The following ZSCAN23 variants were observed in gnomAD, a reference collection of about 807,000 sequenced individuals.
ZSCAN23 encodes the protein zinc finger and SCAN domain containing 23.
In ZSCAN23, 19 loss-of-function variants were observed where a neutral mutation model predicts 19.3. The observed-to-expected ratio is 0.99, with a 90% confidence interval of 0.69 to 1.45. The LOEUF is 1.45. Among genes scored for constraint, ZSCAN23 ranks in the 40% most tolerant of loss-of-function variants. ZSCAN23 has a pLI of 0.00. For synonymous variants in ZSCAN23, 140 were observed against 166.2 expected (o/e 0.84, Z 1.21); for missense variants, 372 against 462.5 (o/e 0.80, Z 1.79).
the ZSCAN23 span, among the ~76,000 whole-genome samples, chr6:28,424,536 A>G: frequency 2.0e-5 from 3 of 152,334 alleles, no homozygotes; most frequent in Non-Finnish European, 4.4e-5. Context: ...GTTGGAGTCA[A>G]TCCTCTCAAA....
downstream of ZSCAN23, among the ~76,000 whole-genome samples, chr6:28,430,718 A>G (rs1400357156): frequency 1.3e-5 from 2 of 152,128 alleles, no homozygotes; most frequent in African/African-American, 2.4e-5. Flanking sequence ...ATGAAGATCT[A>G]TTGACACACT....
intron 1 of ZSCAN23, among the ~76,000 whole-genome samples, chr6:28,440,855 C>CT (rs1360587442): frequency 1.3e-5 from 2 of 152,068 alleles, no homozygotes; most frequent in Non-Finnish European, 2.9e-5. Context: ...CCTGATTTTG[C>CT]TTTTATCTGG....
At chr6:28,440,469 G>A (rs1761979812) in intron 1 of ZSCAN23, among the ~76,000 whole-genome samples, 1 of 152,166 alleles carries the variant, frequency 6.6e-6, no homozygotes, top group Non-Finnish European at 1.5e-5. Flanking sequence ...GATCATCATG[G>A]CTTGAAACAT....
chr6:28,441,807 T>C lies in ZSCAN23; in HGVS notation c.-78+1592A>G, dbSNP rs141680539. On this transcript the variant is annotated intron_variant, in intron 1 of 3. Transcript: ENST00000289788. ...ATAGAGTTGATATAAGCCCATATATTTTATTTACCTTAGACAAGCAGAAGG... is the reference window on the plus strand; with the variant it reads ...ATAGAGTTGATATAAGCCCATATATCTTATTTACCTTAGACAAGCAGAAGG... Among the ~76,000 whole-genome samples, 900 of 151,732 alleles carry C rather than the reference T, an allele frequency of 5.9e-3. 8 individuals carry two copies. The highest frequency in any genetic ancestry group is 0.02 in the African/African-American group (834 of 41,344).
intron 1 of ZSCAN23, among the ~76,000 whole-genome samples, chr6:28,437,419 T>TA (rs1229554328): frequency 6.6e-6 from 1 of 152,064 alleles, no homozygotes; most frequent in East Asian, 1.9e-4. Context: ...CCGTCTCTGC[T>TA]AAAAAATACA....
chr6:28,430,479 A>T (rs2114028615), downstream of ZSCAN23, among the ~76,000 whole-genome samples: 1 of 152,206 alleles, frequency 6.6e-6, no homozygotes, highest in Middle Eastern at 3.4e-3. Context: ...AATAATCAAC[A>T]CCCACCTGAG....
rs769852697 is a variant in ZSCAN23, at chr6:28,436,080, G to A, written c.187C>T (p.Arg63Trp). The A allele has an allele frequency of 9.3e-6, 15 of 1,613,960 alleles. No homozygotes were observed. The highest frequency in any genetic ancestry group is 5.0e-5 in the Admixed American group (3 of 59,982). Residue 63 changes from arginine (R) to tryptophan (W), a missense_variant, in exon 2 of 4, where the codon CGG (arginine) becomes TGG (tryptophan). Coordinates refer to ENST00000289788, the MANE Select transcript of ZSCAN23 (RefSeq NM_001012455.2). ...QFCYQESPGP[R>W]EALQRLQELC... Reference sequence around the variant, plus strand: ...TCCTGGAGTCTTTGAAGAGCCTCCCGGGGCCCAGGGGACTCCTGATAGCAG... The same window carrying A: ...TCCTGGAGTCTTTGAAGAGCCTCCCAGGGCCCAGGGGACTCCTGATAGCAG...
At chr6:28,426,482 G>A in the ZSCAN23 span, among the ~76,000 whole-genome samples, 1 of 152,166 alleles carries the variant, frequency 6.6e-6, no homozygotes, top group African/African-American at 2.4e-5. Context: ...GTTAAGTTAG[G>A]CATCTTATAT....
At chr6:28,428,198 T>C (rs1474147757), downstream of ZSCAN23, among the ~76,000 whole-genome samples, 2 of 152,222 alleles carry the variant, frequency 1.3e-5, no homozygotes, top group Non-Finnish European at 2.9e-5. Context: ...CCTGATTCTC[T>C]CATACCAATC....
At chr6:28,427,282 A>G (rs1417375094), downstream of ZSCAN23, among the ~76,000 whole-genome samples, 2 of 152,156 alleles carry the variant, frequency 1.3e-5, no homozygotes, top group African/African-American at 2.4e-5. Flanking sequence ...TCTAAGAAAC[A>G]CTATACTCTT....
chr6:28,440,164 G>A (rs1761974541), intron 1 of ZSCAN23, among the ~76,000 whole-genome samples: 1 of 152,270 alleles, frequency 6.6e-6, no homozygotes, highest in Non-Finnish European at 1.5e-5. Flanking sequence ...TTTGCAGGTG[G>A]GAACACACCT....
rs764812159 is a variant in ZSCAN23, at chr6:28,436,112, C to T, written c.155G>A (p.Arg52Lys). The T allele has an allele frequency of 1.2e-6, 2 of 1,613,054 alleles. No homozygotes were observed. Among genetic ancestry groups the T allele is most frequent in the Non-Finnish European group, 1.7e-6 (2 of 1,179,418 alleles). Residue 52 changes from arginine (R) to lysine (K), a missense_variant, in exon 2 of 4, where the codon AGG (arginine) becomes AAG (lysine). Coordinates refer to ENST00000289788, the MANE Select transcript of ZSCAN23 (RefSeq NM_001012455.2). ...AGGGGACTCCTGATAGCAGAACTGC[C>T]TGAAGCGTCTACGAAAGATCTCTCT... is the stretch of plus-strand genomic sequence containing the variant. Reference protein sequence around the residue: ...HTREIFRRRFRQFCYQESPGP... With the variant: ...HTREIFRRRFKQFCYQESPGP...
In ZSCAN23 at chr6:28,432,950, A is replaced by T. The variant is rs2114030850; in HGVS notation, c.*1515T>A. 1 of 152,304 alleles carries T rather than the reference A, an allele frequency of 6.6e-6. No individual in the cohort carries two copies. The highest frequency in any genetic ancestry group is 2.4e-5 in the African/African-American group (1 of 41,588). The allele number at this position is 152,304 out of a possible 1,614,324, so 9.4% of individuals were successfully genotyped here. A position where few individuals can be genotyped will look rare whatever the true frequency, so the allele number is the denominator to read the frequency against. ...AGTACAATGGCTACTTATAAAGGGA[A>T]AGTAGACCTTTTTGTATTATTTTGA... On this transcript the variant is annotated 3_prime_UTR_variant, in exon 4 of 4. Transcript: ENST00000289788.
rs1368435324 is a variant in ZSCAN23, at chr6:28,436,319, T to A, written c.-53A>T. 3.5e-6 allele frequency: 5 copies of A among 1,415,262 alleles called. No individual in the cohort carries two copies. Among genetic ancestry groups the A allele is most frequent in the African/African-American group, 1.5e-5 (1 of 68,200 alleles). The allele number at this position is 1,415,262 out of a possible 1,614,324, so 87.7% of individuals were successfully genotyped here. On this transcript the variant is annotated 5_prime_UTR_variant, in exon 2 of 4. Coordinates refer to ENST00000289788, the MANE Select transcript of ZSCAN23 (RefSeq NM_001012455.2). ...TCTATTCTTGATAATTCTCCCTTGA[T>A]CTTTTCTTCTGGAAACCCCGAGATC...
downstream of ZSCAN23, among the ~76,000 whole-genome samples, chr6:28,427,047 C>T (rs1424198308): frequency 6.6e-6 from 1 of 152,364 alleles, no homozygotes; most frequent in African/African-American, 2.4e-5. Context: ...CCCGCCTCGG[C>T]CTCCCAAAGT....
downstream of ZSCAN23, among the ~76,000 whole-genome samples, chr6:28,429,230 C>G (rs1761709498): frequency 6.6e-6 from 1 of 152,198 alleles, no homozygotes; most frequent in Non-Finnish European, 1.5e-5. Context: ...TCCCATTACA[C>G]TATACAGTAA....
chr6:28,424,373 G>A, the ZSCAN23 span, among the ~76,000 whole-genome samples: 1 of 152,156 alleles, frequency 6.6e-6, no homozygotes, highest in Admixed American at 6.5e-5. Context: ...GGCTGATTAG[G>A]GTGATAACTG....
chr6:28,431,784 G>C (rs1761765357), downstream of ZSCAN23: 2 of 152,230 alleles, frequency 1.3e-5, no homozygotes, highest in East Asian at 3.9e-4. Flanking sequence ...CTAAAAACTT[G>C]GACCAGTTGA....
intron 1 of ZSCAN23, 89 bp from the exon 2 acceptor site, chr6:28,436,432 A>T (rs1761890908): frequency 1.6e-6 from 1 of 621,102 alleles, no homozygotes; most frequent in Admixed American, 3.3e-5. Context: ...AAAATCAGTC[A>T]CTCTGTCTCA....
Sources: gnomAD v4.1 joint callset for allele counts (sites outside exome capture counted in the v4.1 genomes callset) on GRCh38, gnomAD v4.1.1 for gene constraint, MANE v1.5 for transcripts, NCBI Gene and HGNC (gene_info 2026-07-23, HGNC 2026-07-21) for gene names.